Variants in CEP192 observed in about 807,000 individuals in gnomAD.
The protein encoded by CEP192 is centrosomal protein of 192 kDa.
A neutral mutation model predicts 271.8 loss-of-function variants in CEP192; 151 were observed. That is an observed-to-expected ratio of 0.56 (90% confidence interval 0.49 to 0.64). The LOEUF (loss-of-function observed/expected upper bound fraction) is 0.64, where lower values mean the gene tolerates loss of function less well. Among genes scored for constraint, CEP192 ranks in the 30% least tolerant of loss-of-function variants. The pLI, the probability that CEP192 is intolerant of heterozygous loss-of-function variation, is 0.00. For synonymous variants in CEP192, 995 were observed against 1,076.5 expected, an observed-to-expected ratio of 0.92 and a Z score of 1.48; for missense variants, 2,910 against 3,020.5, an observed-to-expected ratio of 0.96 and a Z score of 0.86.
chr18:13,066,377 G>A (rs753720347), intron 21 of CEP192, among the ~76,000 whole-genome samples: 10 of 152,014 alleles, frequency 6.6e-5, no homozygotes, highest in Non-Finnish European at 1.2e-4. Context: ...GGTTACTAAC[G>A]CTTCTACTAG....
In CEP192 at chr18:13,052,918, G is replaced by C; in HGVS notation, c.3018-1G>C. On this transcript the variant is annotated splice_acceptor_variant, in intron 17 of 44. Transcript: ENST00000506447. LOFTEE classifies it high-confidence loss of function. ...AGGTGTGAGCTACTCTTCTCTTTCA[G>C]GTGTGCGTTAGAGTCCTTTGGTTCA... The C allele has an allele frequency of 6.3e-7, 1 of 1,577,252 alleles. No individual in the cohort carries two copies. The highest frequency in any genetic ancestry group is 1.2e-5 in the South Asian group (1 of 86,360).
chr18:13,086,577 C>T (rs933799646), intron 30 of CEP192, among the ~76,000 whole-genome samples: 7 of 152,178 alleles, frequency 4.6e-5, no homozygotes, highest in African/African-American at 1.4e-4. Context: ...AGAAATCACC[C>T]GCCTTCAGTA....
chr18:13,064,867 G>C (rs1344079266), intron 21 of CEP192, among the ~76,000 whole-genome samples: 2 of 152,064 alleles, frequency 1.3e-5, no homozygotes, highest in Non-Finnish European at 2.9e-5. Flanking sequence ...ATTTCTGTGA[G>C]GTAGTATGGA....
intron 17 of CEP192, among the ~76,000 whole-genome samples, chr18:13,052,305 G>A (rs2036839863): frequency 6.6e-6 from 1 of 152,290 alleles, no homozygotes; most frequent in South Asian, 2.1e-4. Flanking sequence ...GTGTTGTATT[G>A]CATGTTTGTG....
At chr18:13,038,945 C>T (rs890728148) in intron 13 of CEP192, among the ~76,000 whole-genome samples, 1 of 152,146 alleles carries the variant, frequency 6.6e-6, no homozygotes, top group African/African-American at 2.4e-5. Flanking sequence ...GTGAAGAATT[C>T]TAAAATTGCT....
chr18:13,087,305 AC>A, intron 31 of CEP192, 28 bp downstream of exon 31: 1 of 1,537,298 alleles, frequency 6.5e-7, no homozygotes, highest in Non-Finnish European at 8.8e-7. Context: ...TGTGCTAAAA[AC>A]ATCAACTCAT....
Position 13,001,066 on chromosome 18 carries a change from T to C in CEP192, c.165-391T>C, listed in dbSNP as rs543529182. ...ACCTTGTTTTGTATCTTCAACTGGA[T>C]TGTGTATAGTTTACACATCCATTAC... On this transcript the variant is annotated intron_variant, in intron 2 of 44. Transcript: ENST00000506447. Among the ~76,000 whole-genome samples, 11 of 152,362 alleles carry C rather than the reference T, an allele frequency of 7.2e-5. No individual in the cohort carries two copies. In the South Asian group the frequency reaches 2.3e-3, roughly 32 times the overall value.
rs9945683 is a variant in CEP192 at position 13,017,416 on chromosome 18, T to C, written c.789+80T>C. 8.0e-3 allele frequency: 9,156 copies of C among 1,140,734 alleles called. 486 individuals carry two copies. The African/African-American group carries it at 0.12, about 15-fold the overall frequency. The allele number at this position is 1,140,734 out of a possible 1,614,324, so 70.7% of individuals were successfully genotyped here. A position where few individuals can be genotyped will look rare whatever the true frequency, so the allele number is the denominator to read the frequency against. On this transcript the variant is annotated intron_variant, in intron 7 of 44. Transcript: ENST00000506447. ...GGTCTCCTTGGATGTTCACATGAAA[T>C]GTAAGCCTTTGGACTTTGGACTTTT...
At position 13,001,450 on chromosome 18, in the gene CEP192, T is replaced by G. The variant is rs1568260440; in HGVS notation, c.165-7T>G. 1.2e-5 allele frequency: 19 copies of G among 1,522,944 alleles called. No homozygotes were observed. In the South Asian group the frequency reaches 2.3e-4, roughly 19 times the overall value. 94.3% of individuals were successfully genotyped at this position (1,522,944 alleles called of 1,614,324 possible). A position where few individuals can be genotyped will look rare whatever the true frequency, so the allele number is the denominator to read the frequency against. ...CTTAACAATTAAAACAAATTTTTTT[T>G]GTATAGGTATCCTGATATCCAGGCA... On this transcript the variant is annotated splice_polypyrimidine_tract_variant and splice_region_variant and intron_variant, in intron 2 of 44. Transcript: ENST00000506447.
intron 36 of CEP192, among the ~76,000 whole-genome samples, chr18:13,096,765 ATTT>A (rs1434509004): frequency 1.3e-5 from 2 of 152,108 alleles, no homozygotes; most frequent in African/African-American, 4.8e-5. Context: ...AGCTTCCTCA[ATTT>A]TAGTATGTAT....
intron 44 of CEP192, among the ~76,000 whole-genome samples, chr18:13,123,133 T>C (rs989590591): frequency 1.3e-5 from 2 of 152,230 alleles, no homozygotes; most frequent in Non-Finnish European, 2.9e-5. Context: ...TATTTTATTA[T>C]TTTTACTAAT....
At chr18:13,067,240 G>A (rs1016640065) in intron 21 of CEP192, among the ~76,000 whole-genome samples, 5 of 152,168 alleles carry the variant, frequency 3.3e-5, no homozygotes, top group African/African-American at 1.2e-4. Flanking sequence ...ATGTGCCTAG[G>A]CTATATGCAA....
chr18:13,032,013 G>A (rs1292881334), intron 11 of CEP192, among the ~76,000 whole-genome samples: 2 of 152,168 alleles, frequency 1.3e-5, no homozygotes, highest in Non-Finnish European at 2.9e-5. Flanking sequence ...GGTGAAGCTG[G>A]AGAGGTCATT....
intron 15 of CEP192, among the ~76,000 whole-genome samples, chr18:13,044,844 G>C (rs942027916): frequency 1.3e-5 from 2 of 152,010 alleles, no homozygotes; most frequent in African/African-American, 2.4e-5. Context: ...TAAGATTGGT[G>C]CTTTTTTAAA....
chr18:13,019,165 G>A lies in CEP192; in HGVS notation c.1009G>A (p.Glu337Lys). Residue 337 changes from glutamate to lysine, a missense_variant, in exon 9 of 45, where the codon GAA (glutamate) becomes AAA (lysine). Coordinates refer to ENST00000506447, the MANE Select transcript of CEP192 (RefSeq NM_032142.4). ...CTCTGGTACTTGGGGAACTGAGAAA[G>A]AAATAGAAAATTTGAAGGGTATTGT... Reference protein sequence around the residue: ...FSSGTWGTEKEIENLKGIVPD... With the variant: ...FSSGTWGTEKKIENLKGIVPD... 1 of 1,545,224 alleles carries A rather than the reference G, an allele frequency of 6.5e-7. No homozygotes were observed. The highest frequency in any genetic ancestry group is 8.7e-7 in the Non-Finnish European group (1 of 1,144,630).
intron 13 of CEP192, among the ~76,000 whole-genome samples, chr18:13,039,293 A>C (rs1439567755): frequency 6.6e-6 from 1 of 151,972 alleles, no homozygotes; most frequent in Non-Finnish European, 1.5e-5. Flanking sequence ...GTCTCTACCA[A>C]AACTATAAAA....
At chr18:13,075,542 G>A (rs1370851164) in intron 30 of CEP192, among the ~76,000 whole-genome samples, 1 of 151,910 alleles carries the variant, frequency 6.6e-6, no homozygotes, top group Admixed American at 6.6e-5. Flanking sequence ...CTCCAGCCTG[G>A]TGACAGAGCG....
chr18:13,084,996 T>G (rs933460745), intron 30 of CEP192, among the ~76,000 whole-genome samples: 1 of 151,568 alleles, frequency 6.6e-6, no homozygotes, highest in African/African-American at 2.4e-5. Flanking sequence ...TTTGGGTTTT[T>G]TTTTTTTTTA....
rs183914589 is a variant in CEP192, at chr18:13,095,212, G to A, written c.6255-291G>A. On this transcript the variant is annotated intron_variant, in intron 34 of 44. Coordinates refer to ENST00000506447, the MANE Select transcript of CEP192 (RefSeq NM_032142.4). ...AGGTGGTGTCTTGCTATGTTGCCCA[G>A]GCTGTTCTCAAACTCCTAGCCTTAA... 6.9e-4 allele frequency among the ~76,000 whole-genome samples: 105 copies of A among 152,078 alleles called. 1 individual carries two copies. The East Asian group carries it at 0.019, about 28-fold the overall frequency.
Sources: gnomAD v4.1 joint callset for allele counts (sites outside exome capture counted in the v4.1 genomes callset) on GRCh38, gnomAD v4.1.1 for gene constraint, MANE v1.5 for transcripts, NCBI Gene and HGNC (gene_info 2026-07-23, HGNC 2026-07-21) for gene names.